The following FARS2 variants were observed in gnomAD, a reference collection of about 807,000 sequenced individuals.
FARS2 encodes phenylalanyl-tRNA synthetase 2, mitochondrial.
A neutral mutation model predicts 46.4 loss-of-function variants in FARS2; 40 were observed. That is an observed-to-expected ratio of 0.86 (90% CI 0.67 to 1.12). FARS2 has a LOEUF of 1.12. FARS2 is among the 50% of genes most tolerant of loss of function. The pLI is 0.00. For synonymous variants in FARS2, 234 were observed against 214.9 expected (o/e 1.09, Z -0.78); for missense variants, 513 against 567.9 (o/e 0.90, Z 0.98).
upstream of FARS2, chr6:5,260,764 C>G: frequency 6.5e-7 from 1 of 1,539,080 alleles, no homozygotes; most frequent in South Asian, 1.2e-5. Flanking sequence ...AACGGGTCCT[C>G]TTCGCCGAGG....
chr6:5,489,013 A>G (rs1328572082), intron 4 of FARS2, among the ~76,000 whole-genome samples: 3 of 152,194 alleles, frequency 2.0e-5, no homozygotes, highest in African/African-American at 4.8e-5. Context: ...AGCTTACAGT[A>G]TGGTGGGGGT....
intron 4 of FARS2, among the ~76,000 whole-genome samples, chr6:5,539,355 C>T (rs56227176): frequency 0.12 from 12,699 of 109,322 alleles, 691 homozygotes; most frequent in Middle Eastern, 0.21. Flanking sequence ...TACAGGTGCC[C>T]GCCACCATGC....
At chr6:5,704,849 T>C (rs779243724) in intron 6 of FARS2, among the ~76,000 whole-genome samples, 1 of 152,222 alleles carries the variant, frequency 6.6e-6, no homozygotes, top group Non-Finnish European at 1.5e-5. Flanking sequence ...CTTTGGTAGT[T>C]GTCTGTTAAC....
intron 6 of FARS2, among the ~76,000 whole-genome samples, chr6:5,747,080 C>T (rs1761689772): frequency 6.6e-6 from 1 of 152,154 alleles, no homozygotes; most frequent in Non-Finnish European, 1.5e-5. Flanking sequence ...GGTATGGCGG[C>T]ATCATGCCCC....
intron 2 of FARS2, among the ~76,000 whole-genome samples, chr6:5,376,424 C>T (rs998976155): frequency 6.6e-6 from 1 of 152,146 alleles, no homozygotes; most frequent in Admixed American, 6.5e-5. Flanking sequence ...TTATAGCCTT[C>T]TATTGGGAGT....
At chr6:5,578,037 G>A (rs1418972722) in intron 5 of FARS2, among the ~76,000 whole-genome samples, 3 of 152,086 alleles carry the variant, frequency 2.0e-5, no homozygotes, top group Admixed American at 6.6e-5. Flanking sequence ...TTCTGACCTC[G>A]TGATCCGCCC....
intron 6 of FARS2, among the ~76,000 whole-genome samples, chr6:5,669,143 A>T (rs1209974115): frequency 6.6e-6 from 1 of 152,220 alleles, no homozygotes; most frequent in Non-Finnish European, 1.5e-5. Context: ...AACAGATGTT[A>T]ATTCCCTTTC....
intron 2 of FARS2, among the ~76,000 whole-genome samples, chr6:5,396,543 G>A (rs999083395): frequency 4.6e-5 from 7 of 152,102 alleles, no homozygotes; most frequent in African/African-American, 9.7e-5. Context: ...ATCAAGTTCC[G>A]GAAACTTCCA....
intron 6 of FARS2, among the ~76,000 whole-genome samples, chr6:5,615,531 A>G (rs2150680200): frequency 6.6e-6 from 1 of 152,330 alleles, no homozygotes; most frequent in Non-Finnish European, 1.5e-5. Context: ...TTGCTTCACT[A>G]CATTTTAAAA....
At chr6:5,381,370 A>AATACACACACACACACACACACAC (rs368344271) in intron 2 of FARS2, among the ~76,000 whole-genome samples, 2 of 132,904 alleles carry the variant, frequency 1.5e-5, no homozygotes, top group South Asian at 2.5e-4. Flanking sequence ...ACTCCCCAGA[A>AATACACACACACACACACACACAC]ACACACACAC....
At chr6:5,634,578 C>A (rs1054300928) in intron 6 of FARS2, among the ~76,000 whole-genome samples, 8 of 152,226 alleles carry the variant, frequency 5.3e-5, no homozygotes, top group African/African-American at 1.9e-4. Context: ...CCCACCTTCA[C>A]CTCCCAAAGG....
rs1775065647 is a variant in FARS2, at chr6:5,609,738, C to G, written c.1066-3431C>G. 2.6e-6 allele frequency: 4 copies of G among 1,517,234 alleles called. No individual in the cohort carries two copies. In the Admixed American group the frequency reaches 5.0e-5, roughly 19 times the overall value. 94.0% of individuals were successfully genotyped at this position (1,517,234 alleles called of 1,614,324 possible). ...ACGGAGTCATGGTCGTCAAAAGTTA[C>G]AAAGGCAAAGCCCCTTTTCTTGCCA... On this transcript the variant is annotated intron_variant, in intron 5 of 6. Transcript: ENST00000274680.
intron 2 of FARS2, among the ~76,000 whole-genome samples, chr6:5,385,523 G>A (rs1760067029): frequency 6.6e-6 from 1 of 151,638 alleles, no homozygotes; most frequent in Non-Finnish European, 1.5e-5. Flanking sequence ...CCAGGTTCAA[G>A]CGATTCTTCT....
At chr6:5,663,968 G>A (rs573737317) in intron 6 of FARS2, among the ~76,000 whole-genome samples, 2 of 152,274 alleles carry the variant, frequency 1.3e-5, no homozygotes, top group East Asian at 3.9e-4. Flanking sequence ...TGCTTAAGTG[G>A]CCCCACAGTA....
At chr6:5,503,698 A>G (rs1767941941) in intron 4 of FARS2, among the ~76,000 whole-genome samples, 1 of 152,192 alleles carries the variant, frequency 6.6e-6, no homozygotes, top group Admixed American at 6.5e-5. Context: ...AGAAGCTGCC[A>G]TTGTAAAAAT....
intron 4 of FARS2, among the ~76,000 whole-genome samples, chr6:5,476,882 G>GC (rs1766153900): frequency 6.6e-6 from 1 of 152,186 alleles, no homozygotes; most frequent in Admixed American, 6.5e-5. Context: ...AATAGCAGTT[G>GC]CAATACTGGA....
chr6:5,457,013 T>A (rs1328497118), intron 4 of FARS2: 1 of 152,228 alleles, frequency 6.6e-6, no homozygotes, highest in Non-Finnish European at 1.5e-5. Flanking sequence ...TCATTTCAAA[T>A]GCCCGTGATC....
intron 5 of FARS2, among the ~76,000 whole-genome samples, chr6:5,571,692 A>G (rs1772660061): frequency 6.6e-6 from 1 of 152,184 alleles, no homozygotes; most frequent in Non-Finnish European, 1.5e-5. Context: ...TGAACTAGGA[A>G]AAAAGCATTT....
chr6:5,599,726 A>G (rs1308903515), intron 5 of FARS2, among the ~76,000 whole-genome samples: 3 of 152,200 alleles, frequency 2.0e-5, no homozygotes, highest in Non-Finnish European at 4.4e-5. Context: ...AAGATACTGT[A>G]CTTTTGGCAT....
Sources: allele counts gnomAD v4.1 joint callset (sites outside exome capture counted in the v4.1 genomes callset), GRCh38; gene constraint gnomAD v4.1.1; transcripts MANE v1.5; gene names NCBI Gene and HGNC (gene_info 2026-07-23, HGNC 2026-07-21).